PALM2AKAP2: variants seen among roughly 807,000 people sequenced by gnomAD.
PALM2AKAP2 encodes the protein PALM2 and AKAP2 fusion.
Under a neutral mutation model 71.5 loss-of-function variants are expected in PALM2AKAP2, and 37 were observed. The observed-to-expected ratio is 0.52, with a 90% CI of 0.40 to 0.68. The LOEUF (loss-of-function observed/expected upper bound fraction) is 0.68, where lower values mean the gene tolerates loss of function less well. Among genes scored for constraint, PALM2AKAP2 ranks in the 30% least tolerant of loss-of-function variants. The pLI, the probability that PALM2AKAP2 is intolerant of heterozygous loss-of-function variation, is 0.00. For missense variants in PALM2AKAP2, 1,224 were observed against 1,191.8 expected (o/e 1.03, Z -0.40); for synonymous variants, 468 against 478.8 (o/e 0.98, Z 0.29).
At chr9:109,687,392 T>A (rs996591490) in intron 1 of PALM2AKAP2, among the ~76,000 whole-genome samples, 4 of 152,214 alleles carry the variant, frequency 2.6e-5, no homozygotes, top group Non-Finnish European at 5.9e-5. Flanking sequence ...TCATTCCTTA[T>A]CTTAGTTAGA....
At chr9:109,777,117 C>A (rs533860715), upstream of PALM2AKAP2, among the ~76,000 whole-genome samples, 2 of 152,242 alleles carry the variant, frequency 1.3e-5, no homozygotes, top group South Asian at 4.1e-4. Context: ...TTCTGAAGCC[C>A]CAACCCTACG....
At chr9:109,847,710 C>T (rs1828902605) in intron 1 of PALM2AKAP2, 1 of 149,058 alleles carries the variant, frequency 6.7e-6, no homozygotes, top group Admixed American at 6.7e-5. Context: ...CACTGCCCTC[C>T]AGCCTGGGCA....
At chr9:109,844,880 C>A (rs1434403472) in intron 1 of PALM2AKAP2, among the ~76,000 whole-genome samples, 1 of 151,904 alleles carries the variant, frequency 6.6e-6, no homozygotes, top group African/African-American at 2.4e-5. Context: ...CTGTAGAACC[C>A]CTGGGTCACA....
intron 1 of PALM2AKAP2, among the ~76,000 whole-genome samples, chr9:110,135,188 T>TATATATATATATATATATATAA (rs1484544851): frequency 6.4e-5 from 6 of 93,536 alleles, no homozygotes; most frequent in African/African-American, 2.2e-4. Context: ...TATATATATA[T>TATATATATATATATATATATAA]AAATCAGCCA....
At chr9:110,007,028 C>G (rs1007041363) in intron 6 of PALM2AKAP2, among the ~76,000 whole-genome samples, 11 of 152,030 alleles carry the variant, frequency 7.2e-5, no homozygotes, top group Non-Finnish European at 1.0e-4. Flanking sequence ...TTTGGGGGTT[C>G]AGCTTTGGTG....
intron 6 of PALM2AKAP2, among the ~76,000 whole-genome samples, chr9:110,010,308 C>G (rs970792383): frequency 1.3e-5 from 2 of 151,748 alleles, no homozygotes; most frequent in African/African-American, 4.8e-5. Flanking sequence ...TGTAATTTCT[C>G]TTCTCAAAGA....
chr9:109,787,065 A>ACAGACG (rs1554713953), intron 1 of PALM2AKAP2, among the ~76,000 whole-genome samples: 2 of 152,180 alleles, frequency 1.3e-5, no homozygotes, highest in African/African-American at 4.8e-5. Context: ...ACATTGATGC[A>ACAGACG]CAGAGACGGT....
At chr9:110,111,988 G>T (rs1219559719) in intron 1 of PALM2AKAP2, among the ~76,000 whole-genome samples, 6 of 152,058 alleles carry the variant, frequency 3.9e-5, no homozygotes, top group African/African-American at 7.2e-5. Flanking sequence ...GAACGGAATG[G>T]CAGCTCTCTG....
chr9:109,794,273 A>G (rs1827190341), intron 1 of PALM2AKAP2, among the ~76,000 whole-genome samples: 1 of 152,146 alleles, frequency 6.6e-6, no homozygotes, highest in Non-Finnish European at 1.5e-5. Context: ...TTGTTTTTTG[A>G]AAACCAGAAA....
At chr9:109,653,487 C>CT (rs1216839174) in intron 1 of PALM2AKAP2, among the ~76,000 whole-genome samples, 2 of 152,184 alleles carry the variant, frequency 1.3e-5, no homozygotes, top group Non-Finnish European at 2.9e-5. Flanking sequence ...TCCATCCTTT[C>CT]AATACTTTTC....
intron 1 of PALM2AKAP2, among the ~76,000 whole-genome samples, chr9:109,699,405 A>T (rs1011711850): frequency 3.3e-5 from 5 of 152,248 alleles, no homozygotes; most frequent in Non-Finnish European, 5.9e-5. Context: ...TATTGAGGGA[A>T]TAATCAGAGA....
At chr9:110,028,422 C>T (rs1410237952) in intron 7 of PALM2AKAP2, among the ~76,000 whole-genome samples, 4 of 152,148 alleles carry the variant, frequency 2.6e-5, no homozygotes, top group African/African-American at 7.2e-5. Flanking sequence ...ATGGGTTGAA[C>T]GTTTGCTTTG....
At position 109,974,436 on chromosome 9, in the gene PALM2AKAP2, C is replaced by T. The variant is rs540318875; in HGVS notation, c.497-41518C>T. Among the ~76,000 whole-genome samples, 28 of 151,872 alleles carry T rather than the reference C, an allele frequency of 1.8e-4. No individual in the cohort carries two copies. The South Asian group carries it at 5.2e-3, about 28-fold the overall frequency. Reference sequence around the variant, plus strand: ...GTGTTGCCTCTGCCTTACCTACACTCAGAGCCATGCATGCTGAAAAAAAAA... The same window carrying T: ...GTGTTGCCTCTGCCTTACCTACACTTAGAGCCATGCATGCTGAAAAAAAAA... On this transcript the variant is annotated intron_variant, in intron 6 of 9. Transcript: ENST00000302798.
chr9:110,132,595 G>T (rs868329775), intron 1 of PALM2AKAP2, among the ~76,000 whole-genome samples: 12 of 151,900 alleles, frequency 7.9e-5, no homozygotes, highest in Non-Finnish European at 1.5e-5. Context: ...CTCCCAAAAT[G>T]TTGGGATTAC....
chr9:109,722,526 C>T (rs969160089), intron 1 of PALM2AKAP2, among the ~76,000 whole-genome samples: 1 of 152,158 alleles, frequency 6.6e-6, no homozygotes, highest in African/African-American at 2.4e-5. Context: ...AATCTCAACA[C>T]TTTGGTAGGC....
intron 1 of PALM2AKAP2, among the ~76,000 whole-genome samples, chr9:110,088,705 T>TTTTTTG (rs1834630828): frequency 3.2e-5 from 1 of 30,990 alleles, no homozygotes. Flanking sequence ...ATTTACGTGT[T>TTTTTTG]TTTTTTTTTT....
chr9:109,913,690 G>T (rs140147907), intron 3 of PALM2AKAP2, among the ~76,000 whole-genome samples: 3 of 151,748 alleles, frequency 2.0e-5, no homozygotes, highest in Non-Finnish European at 4.4e-5. Flanking sequence ...GTATTAATTA[G>T]GATTCCATGT....
chr9:110,017,272 G>A (rs188847596), intron 7 of PALM2AKAP2, among the ~76,000 whole-genome samples: 36 of 152,344 alleles, frequency 2.4e-4, no homozygotes, highest in Non-Finnish European at 4.3e-4. Flanking sequence ...CTAAACTTGT[G>A]TTGTCTATGT....
chr9:110,150,741 A>C (rs1836292224), intron 2 of PALM2AKAP2, among the ~76,000 whole-genome samples: 1 of 152,188 alleles, frequency 6.6e-6, no homozygotes, highest in Admixed American at 6.5e-5. Flanking sequence ...TGTGCTATGC[A>C]CTTTTGCTTT....
Sources: allele counts gnomAD v4.1 joint callset (sites outside exome capture counted in the v4.1 genomes callset), GRCh38; gene constraint gnomAD v4.1.1; transcripts MANE v1.5; gene names NCBI Gene and HGNC (gene_info 2026-07-23, HGNC 2026-07-21).